Variants in DAPK2 observed in about 807,000 individuals in gnomAD.
The protein encoded by DAPK2 is death-associated protein kinase 2.
DAPK2 carries 35 observed loss-of-function variants against 44.1 expected under a neutral mutation model. That is an observed-to-expected ratio of 0.79 (90% CI 0.61 to 1.05). DAPK2 has a LOEUF of 1.05. Ranked by LOEUF, DAPK2 falls within the 50% of genes least tolerant of loss-of-function variation. The pLI is 0.00. For synonymous variants in DAPK2, 174 were observed against 182.6 expected, an observed-to-expected ratio of 0.95 and a Z score of 0.38; for missense variants, 453 against 483.2, an observed-to-expected ratio of 0.94 and a Z score of 0.59.
chr15:63,987,522 C>T lies in DAPK2; in HGVS notation c.93-3768G>A, dbSNP rs138700132. Among the ~76,000 whole-genome samples the T allele has an allele frequency of 2.3e-3, 346 of 152,284 alleles. 2 individuals carry two copies. Among genetic ancestry groups the T allele is most frequent in the Non-Finnish European group, 3.0e-3 (205 of 68,022 alleles). ...CACACATATTCCAGTATCTCTGCCC[C>T]CCATAGCAACAATCAATACCTATGC... On this transcript the variant is annotated intron_variant, in intron 1 of 10. Coordinates refer to ENST00000261891, the Ensembl canonical transcript of DAPK2.
At chr15:64,000,220 G>A (rs1017228332) in intron 1 of DAPK2, among the ~76,000 whole-genome samples, 17 of 141,248 alleles carry the variant, frequency 1.2e-4, no homozygotes, top group African/African-American at 3.7e-4. Flanking sequence ...CACACACACA[G>A]CCCCTAGGTC....
At chr15:64,002,212 G>A (rs1005330615) in intron 1 of DAPK2, among the ~76,000 whole-genome samples, 10 of 152,298 alleles carry the variant, frequency 6.6e-5, no homozygotes, top group East Asian at 1.9e-4. Context: ...TGGTGGAAAC[G>A]TCCCAGCTCA....
intron 1 of DAPK2, among the ~76,000 whole-genome samples, chr15:64,008,660 A>T (rs2079303911): frequency 6.6e-6 from 1 of 152,248 alleles, no homozygotes; most frequent in Non-Finnish European, 1.5e-5. Flanking sequence ...TAAAATAATA[A>T]GTGAACATGC....
chr15:63,934,064 T>C (rs376285862), intron 4 of DAPK2, among the ~76,000 whole-genome samples: 16 of 152,104 alleles, frequency 1.1e-4, no homozygotes, highest in African/African-American at 3.9e-4. Context: ...TGAAGACTTT[T>C]GGTTTTATTG....
intron 6 of DAPK2, among the ~76,000 whole-genome samples, chr15:63,928,796 GA>G (rs1322095765): frequency 6.6e-6 from 1 of 151,588 alleles, no homozygotes; most frequent in African/African-American, 2.4e-5. Context: ...AGAGGAAGGA[GA>G]AAGGAGGAGA....
At chr15:63,953,350 T>G (rs1241358341) in intron 3 of DAPK2, among the ~76,000 whole-genome samples, 1 of 152,176 alleles carries the variant, frequency 6.6e-6, no homozygotes, top group Non-Finnish European at 1.5e-5. Context: ...ATTTTTAGCA[T>G]GCATAAATGA....
chr15:64,010,586 G>C (rs1040936744), intron 1 of DAPK2, among the ~76,000 whole-genome samples: 9 of 152,146 alleles, frequency 5.9e-5, no homozygotes, highest in Non-Finnish European at 1.0e-4. Context: ...GACCACTTCA[G>C]GCAAAGTCCC....
chr15:63,945,460 T>C (rs573876140), intron 3 of DAPK2, among the ~76,000 whole-genome samples: 22 of 152,228 alleles, frequency 1.4e-4, no homozygotes, highest in African/African-American at 5.3e-4. Flanking sequence ...CACTAGGGGC[T>C]CCAGAGTGCA....
chr15:63,937,411 A>G (rs1207644963), intron 4 of DAPK2, among the ~76,000 whole-genome samples: 1 of 152,194 alleles, frequency 6.6e-6, no homozygotes, highest in African/African-American at 2.4e-5. Flanking sequence ...TCCATTGTAT[A>G]GCCTCATCCA....
At chr15:63,981,794 C>T (rs1348040358) in intron 2 of DAPK2, among the ~76,000 whole-genome samples, 1 of 152,116 alleles carries the variant, frequency 6.6e-6, no homozygotes, top group African/African-American at 2.4e-5. Context: ...GCAGGGCAGG[C>T]ATCCAGTAGT....
chr15:64,021,073 T>C (rs1366944828), intron 1 of DAPK2, among the ~76,000 whole-genome samples: 2 of 152,234 alleles, frequency 1.3e-5, no homozygotes, highest in African/African-American at 4.8e-5. Context: ...GCCACAACCC[T>C]GATCTAGAAC....
At chr15:64,028,358 C>A (rs956602256) in intron 1 of DAPK2, among the ~76,000 whole-genome samples, 1 of 152,152 alleles carries the variant, frequency 6.6e-6, no homozygotes, top group Non-Finnish European at 1.5e-5. Context: ...TGCACCCGAC[C>A]CTATTTATTT....
intron 2 of DAPK2, among the ~76,000 whole-genome samples, chr15:63,981,652 T>C (rs1295061410): frequency 6.8e-6 from 1 of 147,170 alleles, no homozygotes; most frequent in East Asian, 1.9e-4. Flanking sequence ...CCATTCCTGC[T>C]TAGTTTTTTT....
intron 1 of DAPK2, among the ~76,000 whole-genome samples, chr15:64,024,173 AC>A (rs1423985770): frequency 2.6e-5 from 4 of 152,042 alleles, no homozygotes; most frequent in Non-Finnish European, 5.9e-5. Flanking sequence ...CCTCTCATCA[AC>A]CCCAAGCCTT....
chr15:63,940,972 A>G (rs2077291626), intron 3 of DAPK2, among the ~76,000 whole-genome samples: 1 of 152,206 alleles, frequency 6.6e-6, no homozygotes, highest in African/African-American at 2.4e-5. Context: ...TCTATAAACT[A>G]TGGTGGTGTT....
rs2079632784 is a variant in DAPK2 at position 64,019,796 on chromosome 15, G to T, written c.92+20374C>A. On this transcript the variant is annotated intron_variant, in intron 1 of 10. Transcript: ENST00000261891. ...TTAATTGCCCATGGAATGCTTCCTT[G>T]TCTTGTTTTCCATTCTCCCTGCCCC... 2.6e-5 allele frequency among the ~76,000 whole-genome samples: 4 copies of T among 152,272 alleles called. 1 individual carries two copies. The South Asian group carries it at 8.3e-4, about 32-fold the overall frequency.
chr15:63,982,730 G>A (rs186609481), intron 2 of DAPK2, among the ~76,000 whole-genome samples: 105 of 152,308 alleles, frequency 6.9e-4, no homozygotes, highest in Admixed American at 2.2e-3. Flanking sequence ...TGCACAGGCC[G>A]TGTGGACTCA....
At chr15:64,021,191 G>T (rs1424440524) in intron 1 of DAPK2, among the ~76,000 whole-genome samples, 2 of 152,182 alleles carry the variant, frequency 1.3e-5, no homozygotes, top group Non-Finnish European at 1.5e-5. Flanking sequence ...CTTCAGTGGG[G>T]TTCAGTCTCA....
Position 63,923,488 on chromosome 15 carries a change from G to A in DAPK2, c.858+1328C>T, listed in dbSNP as rs1011042989. On this transcript the variant is annotated intron_variant, in intron 8 of 10. Coordinates refer to ENST00000261891, the Ensembl canonical transcript of DAPK2. The surrounding 1 kb of genome is among the most constrained non-coding windows in gnomAD (Gnocchi z 4.2). The stretch of plus-strand genomic sequence containing the variant: ...CATGGGGAGAACCAGGGTGGGATGA[G>A]CACCTCCTTAGGCCATAAGTGAGGT... 9 of 1,415,136 alleles carry A rather than the reference G, an allele frequency of 6.4e-6. No individual in the cohort carries two copies. The highest frequency in any genetic ancestry group is 8.4e-6 in the Non-Finnish European group (9 of 1,076,600). The allele number at this position is 1,415,136 out of a possible 1,614,324, so 87.7% of individuals were successfully genotyped here. A position where few individuals can be genotyped will look rare whatever the true frequency, so the allele number is the denominator to read the frequency against.
Sources: gnomAD v4.1 joint callset for allele counts (sites outside exome capture counted in the v4.1 genomes callset) on GRCh38, gnomAD v4.1.1 for gene constraint, Gnocchi (gnomAD v3.1) non-coding constraint, MANE v1.5 for transcripts, NCBI Gene and HGNC (gene_info 2026-07-23, HGNC 2026-07-21) for gene names.